Variants in TPCN1 observed in about 807,000 individuals in gnomAD.
TPCN1 encodes the protein two pore segment channel 1.
In TPCN1, 52 loss-of-function variants were observed where a neutral mutation model predicts 108.8. The observed-to-expected ratio is 0.48, with a 90% CI of 0.38 to 0.60. TPCN1 has a LOEUF of 0.60. Among genes scored for constraint, TPCN1 ranks in the 20% least tolerant of loss-of-function variants. The pLI is 0.00. For synonymous variants in TPCN1, 446 were observed against 433.7 expected, an observed-to-expected ratio of 1.03 and a Z score of -0.35; for missense variants, 806 against 1,072.8, an observed-to-expected ratio of 0.75 and a Z score of 3.47.
chr12:113,249,570 T>TG (rs2136520502), intron 2 of TPCN1: 1 of 152,390 alleles, frequency 6.6e-6, no homozygotes, highest in African/African-American at 2.4e-5. Context: ...TGACAGTCGT[T>TG]GCTTCTAAGA....
At chr12:113,243,483 A>G (rs7312573) in intron 2 of TPCN1, among the ~76,000 whole-genome samples, 16,474 of 150,304 alleles carry the variant, frequency 0.11, 1,040 homozygotes, top group East Asian at 0.21. Context: ...ATGGGAAAGC[A>G]TGGCTCATCC....
intron 2 of TPCN1, among the ~76,000 whole-genome samples, chr12:113,234,556 T>C (rs1328059870): frequency 6.6e-6 from 1 of 152,254 alleles, no homozygotes; most frequent in African/African-American, 2.4e-5. Flanking sequence ...TTGTGTTGCC[T>C]TTTGTACCGG....
Position 113,278,835 on chromosome 12 carries a change from G to A in TPCN1, c.1297G>A (p.Gly433Ser). Residue 433 changes from glycine to serine, a missense_variant and splice_region_variant, in exon 14 of 28, where the codon GGT becomes AGT. Coordinates refer to ENST00000335509, the MANE Select transcript of TPCN1 (RefSeq NM_017901.6). ...CAGGACGGCGCTCCTCATCTTCAAA[G>A]GTAAGTGGGCTTGAGTATGGCAGGT... ...LPRTALLIFKGINILVKSKAF... is the reference protein window; with the variant it reads ...LPRTALLIFKSINILVKSKAF... The A allele has an allele frequency of 6.2e-7, 1 of 1,613,876 alleles. No individual in the cohort carries two copies. The highest frequency in any genetic ancestry group is 8.5e-7 in the Non-Finnish European group (1 of 1,179,842).
intron 2 of TPCN1, among the ~76,000 whole-genome samples, chr12:113,255,142 C>A (rs969949679): frequency 6.6e-6 from 1 of 152,144 alleles, no homozygotes; most frequent in South Asian, 2.1e-4. Flanking sequence ...TGTATAGAAA[C>A]GCCCATGACA....
Position 113,231,320 on chromosome 12 carries a change from G to A in TPCN1, c.112+4356G>A, listed in dbSNP as rs1953678780. 6.6e-6 allele frequency among the ~76,000 whole-genome samples: 1 copy of A among 152,232 alleles called. No individual in the cohort carries two copies. Among genetic ancestry groups the A allele is most frequent in the African/African-American group, 2.4e-5 (1 of 41,460 alleles). ...GTCAGCAGGTTTGGTTTCTTGCGAAGCCTCTTTCCTTGGCTCGCAAATGGT... is the reference window on the plus strand; with the variant it reads ...GTCAGCAGGTTTGGTTTCTTGCGAAACCTCTTTCCTTGGCTCGCAAATGGT... On this transcript the variant is annotated intron_variant, in intron 2 of 27. Transcript: ENST00000335509. This position sits in a 1 kb window ranked among gnomAD's most constrained non-coding sequence, Gnocchi z 4.3.
At chr12:113,226,315 C>G (rs2136428405) in intron 1 of TPCN1, among the ~76,000 whole-genome samples, 1 of 152,286 alleles carries the variant, frequency 6.6e-6, no homozygotes, top group Admixed American at 6.5e-5. Context: ...GACAAGGTCT[C>G]TGTCACTTAA....
chr12:113,291,822 C>A, intron 24 of TPCN1, 52 bp from the exon 25 acceptor site: 1 of 1,554,486 alleles, frequency 6.4e-7, no homozygotes, highest in Non-Finnish European at 8.9e-7. Context: ...GCCACGGACA[C>A]CTACCCACCC....
chr12:113,269,158 G>T lies in TPCN1; in HGVS notation c.659+286G>T, dbSNP rs1955396606. ...TAGGCATGTTATCTACCCAAATGCA[G>T]GCAGCTCAGCAGCGTCCATGTGACA... On this transcript the variant is annotated intron_variant, in intron 6 of 27. Coordinates refer to ENST00000335509, the MANE Select transcript of TPCN1 (RefSeq NM_017901.6). The surrounding 1 kb of genome is among the most constrained non-coding windows in gnomAD (Gnocchi z 5.0). Among the ~76,000 whole-genome samples the T allele has an allele frequency of 6.6e-6, 1 of 152,178 alleles. No homozygotes were observed. The highest frequency in any genetic ancestry group is 1.5e-5 in the Non-Finnish European group (1 of 68,018).
chr12:113,257,424 G>A (rs1170072253), intron 2 of TPCN1, among the ~76,000 whole-genome samples: 4 of 151,878 alleles, frequency 2.6e-5, no homozygotes, highest in African/African-American at 9.7e-5. Flanking sequence ...CCAGGAAGTG[G>A]AGGTTTTAGT....
In TPCN1 at chr12:113,289,496, T is replaced by C. The variant is rs565876141; in HGVS notation, c.1797-632T>C. Among the ~76,000 whole-genome samples the C allele has an allele frequency of 9.8e-4, 149 of 152,324 alleles. No individual in the cohort carries two copies. Among genetic ancestry groups the C allele is most frequent in the African/African-American group, 3.4e-3 (142 of 41,574 alleles). ...GCCTATAGCAGTGGGTCCCAGACTT[T>C]AGAGCCCATTGCAGTCACCAGGGAG... On this transcript the variant is annotated intron_variant, in intron 21 of 27. Coordinates refer to ENST00000335509, the MANE Select transcript of TPCN1 (RefSeq NM_017901.6). The surrounding 1 kb of genome is among the most constrained non-coding windows in gnomAD (Gnocchi z 4.1).
Position 113,284,731 on chromosome 12 carries a change from C to T in TPCN1, c.1413C>T (p.Phe471=). 6.2e-7 allele frequency: 1 copy of T among 1,614,242 alleles called. No individual in the cohort carries two copies. Among genetic ancestry groups the T allele is most frequent in the Non-Finnish European group, 8.5e-7 (1 of 1,180,036 alleles). ...ETFMLKGGNF[F]SKHVPWSYLV... ...TCTGTCTTACAGGTGGGAACTTCTT[C>T]TCCAAGCACGTGCCCTGGAGTTACC... The change falls in exon 17 of 28, where the codon TTC becomes TTT. Residue 471 remains phenylalanine (F), a synonymous_variant. Coordinates refer to ENST00000335509, the MANE Select transcript of TPCN1 (RefSeq NM_017901.6). This position sits in a 1 kb window ranked among gnomAD's most constrained non-coding sequence, Gnocchi z 4.1.
chr12:113,287,698 G>A (rs1042321834), intron 19 of TPCN1, among the ~76,000 whole-genome samples: 7 of 152,162 alleles, frequency 4.6e-5, no homozygotes, highest in Non-Finnish European at 1.0e-4. Flanking sequence ...GGGTGGTGGC[G>A]TCTATGGAGG....
At chr12:113,222,548 C>G (rs190604126) in intron 1 of TPCN1, among the ~76,000 whole-genome samples, 12 of 152,308 alleles carry the variant, frequency 7.9e-5, no homozygotes, top group Admixed American at 5.9e-4. Flanking sequence ...CCGATGTCCC[C>G]ATGGGGGCAA....
At chr12:113,245,014 A>T (rs1954300296) in intron 2 of TPCN1, among the ~76,000 whole-genome samples, 1 of 152,178 alleles carries the variant, frequency 6.6e-6, no homozygotes, top group Non-Finnish European at 1.5e-5. Flanking sequence ...CTGTAATCCC[A>T]ACACTTTGAG....
At chr12:113,243,086 C>G (rs1954213533) in intron 2 of TPCN1, among the ~76,000 whole-genome samples, 1 of 152,226 alleles carries the variant, frequency 6.6e-6, no homozygotes, top group African/African-American at 2.4e-5. Flanking sequence ...AAAACTACAT[C>G]TGGCCGGGTG....
At chr12:113,248,246 G>T (rs1954479915) in intron 2 of TPCN1, among the ~76,000 whole-genome samples, 1 of 152,248 alleles carries the variant, frequency 6.6e-6, no homozygotes, top group African/African-American at 2.4e-5. Flanking sequence ...TGCCCCACGG[G>T]GGTGTGTGGA....
rs1476847544 is a variant in TPCN1 at position 113,273,347 on chromosome 12, C to G, written c.842+57C>G. Reference sequence around the variant, plus strand: ...TCTGCTGCCGCCCTGGGGTCTCTTTCTCTTTTCTGCCAAGTATATTCCACA... The same window carrying G: ...TCTGCTGCCGCCCTGGGGTCTCTTTGTCTTTTCTGCCAAGTATATTCCACA... On this transcript the variant is annotated intron_variant, in intron 9 of 27. Coordinates refer to ENST00000335509, the MANE Select transcript of TPCN1 (RefSeq NM_017901.6). The surrounding 1 kb of genome is among the most constrained non-coding windows in gnomAD (Gnocchi z 4.0). The G allele has an allele frequency of 3.9e-6, 6 of 1,556,262 alleles. No homozygotes were observed. Among genetic ancestry groups the G allele is most frequent in the Non-Finnish European group, 5.3e-6 (6 of 1,127,438 alleles).
In TPCN1 at chr12:113,288,715, C is replaced by T. The variant is rs756255224; in HGVS notation, c.1707-43C>T. 4 of 1,605,856 alleles carry T rather than the reference C, an allele frequency of 2.5e-6. No homozygotes were observed. The highest frequency in any genetic ancestry group is 3.4e-6 in the Non-Finnish European group (4 of 1,178,798). On this transcript the variant is annotated intron_variant, in intron 20 of 27. Coordinates refer to ENST00000335509, the MANE Select transcript of TPCN1 (RefSeq NM_017901.6). This position sits in a 1 kb window ranked among gnomAD's most constrained non-coding sequence, Gnocchi z 4.8. ...GGCCGGGGCTGCAGAGGAGCCGTTC[C>T]CTCCTGCCGGCCCCGCGTCACCCTG...
rs1314346786 is a variant in TPCN1, at chr12:113,292,219, T to C, written c.2113+261T>C. On this transcript the variant is annotated intron_variant, in intron 25 of 27. Coordinates refer to ENST00000335509, the MANE Select transcript of TPCN1 (RefSeq NM_017901.6). Reference sequence around the variant, plus strand: ...AAAAATCAAGAAGTAGAGAAAGGCTTATGTGGCAGCAGCAGCCCCTGCCCT... The same window carrying C: ...AAAAATCAAGAAGTAGAGAAAGGCTCATGTGGCAGCAGCAGCCCCTGCCCT... 3 of 463,336 alleles carry C rather than the reference T, an allele frequency of 6.5e-6. No individual in the cohort carries two copies. In the Admixed American group the frequency reaches 1.1e-4, roughly 18 times the overall value. 28.7% of individuals were successfully genotyped at this position (463,336 alleles called of 1,614,324 possible).
Sources: gnomAD v4.1 joint callset for allele counts (sites outside exome capture counted in the v4.1 genomes callset) on GRCh38, gnomAD v4.1.1 for gene constraint, Gnocchi (gnomAD v3.1) non-coding constraint, MANE v1.5 for transcripts, NCBI Gene and HGNC (gene_info 2026-07-23, HGNC 2026-07-21) for gene names.